Variants in COMMD7 observed in about 807,000 individuals in gnomAD.
The protein encoded by COMMD7 is COMM domain-containing protein 7.
Under a neutral mutation model 34.8 loss-of-function variants are expected in COMMD7, and 28 were observed. That is an observed-to-expected ratio of 0.80 (90% CI 0.60 to 1.10). The LOEUF is 1.10. Among genes scored for constraint, COMMD7 ranks in the 50% least tolerant of loss-of-function variants. The pLI is 0.00. For synonymous variants in COMMD7, 80 were observed against 86.4 expected, an observed-to-expected ratio of 0.93 and a Z score of 0.41; for missense variants, 211 against 241.6, an observed-to-expected ratio of 0.87 and a Z score of 0.84.
intron 3 of COMMD7, among the ~76,000 whole-genome samples, chr20:32,714,533 CA>C (rs377473122): frequency 8.1e-4 from 123 of 151,530 alleles, no homozygotes; most frequent in African/African-American, 2.7e-3. Context: ...ACTAATAATA[CA>C]AAAAATTAAG....
At chr20:32,741,553 G>T (rs1986447179) in intron 1 of COMMD7, among the ~76,000 whole-genome samples, 1 of 152,066 alleles carries the variant, frequency 6.6e-6, no homozygotes, top group South Asian at 2.1e-4. Flanking sequence ...ACTACACCCA[G>T]CTAATTTTTG....
intron 3 of COMMD7, among the ~76,000 whole-genome samples, chr20:32,714,876 C>T (rs975611869): frequency 1.6e-5 from 2 of 121,908 alleles, no homozygotes; most frequent in African/African-American, 5.9e-5. Flanking sequence ...AGGTGTAGTG[C>T]GCATGCCTGT....
intron 1 of COMMD7, among the ~76,000 whole-genome samples, chr20:32,731,812 C>T (rs1203998539): frequency 1.3e-5 from 2 of 152,222 alleles, no homozygotes; most frequent in Non-Finnish European, 2.9e-5. Context: ...CTGGAATGCT[C>T]ACCCACCCAT....
intron 1 of COMMD7, among the ~76,000 whole-genome samples, chr20:32,732,189 A>G (rs1197163868): frequency 6.6e-6 from 1 of 152,106 alleles, no homozygotes; most frequent in Non-Finnish European, 1.5e-5. Flanking sequence ...GTTCAAAGCA[A>G]TCCTCCCACC....
intron 3 of COMMD7, 76 bp downstream of exon 3, chr20:32,727,817 G>A (rs1418362584): frequency 1.6e-6 from 2 of 1,228,038 alleles, no homozygotes; most frequent in Non-Finnish European, 2.4e-6. Flanking sequence ...CACGGAGCAT[G>A]CTTCAATGAC....
chr20:32,719,950 A>G (rs114262369), intron 3 of COMMD7, among the ~76,000 whole-genome samples: 1,761 of 152,074 alleles, frequency 0.012, 38 homozygotes, highest in African/African-American at 0.041. Flanking sequence ...CAACAAAACA[A>G]AGGTTACAGT....
chr20:32,721,740 CA>C (rs1431217733), intron 3 of COMMD7, among the ~76,000 whole-genome samples: 1 of 152,036 alleles, frequency 6.6e-6, no homozygotes, highest in Non-Finnish European at 1.5e-5. Flanking sequence ...AACAAACAAA[CA>C]AAAAATTAGG....
In COMMD7 at chr20:32,703,282, G is replaced by A. The variant is rs999961824; in HGVS notation, c.*100C>T. On this transcript the variant is annotated 3_prime_UTR_variant, in exon 9 of 9. Transcript: ENST00000278980. ...CCCATGGAGCCAGCAGGGCCCCATG[G>A]AGCATCCCACAGGCCTGTGAGTGAA... 17 of 1,071,624 alleles carry A rather than the reference G, an allele frequency of 1.6e-5. No individual in the cohort carries two copies. In the Admixed American group the frequency reaches 3.5e-4, roughly 22 times the overall value. The allele number at this position is 1,071,624 out of a possible 1,614,324, so 66.4% of individuals were successfully genotyped here.
intron 3 of COMMD7, among the ~76,000 whole-genome samples, chr20:32,715,245 G>C (rs920199485): frequency 4.0e-5 from 6 of 151,834 alleles, no homozygotes; most frequent in Non-Finnish European, 8.8e-5. Flanking sequence ...CACTCTGGGA[G>C]GCTGAGGCAG....
chr20:32,717,601 C>G (rs1035541461), intron 3 of COMMD7, among the ~76,000 whole-genome samples: 4 of 152,068 alleles, frequency 2.6e-5, no homozygotes, highest in African/African-American at 9.7e-5. Context: ...GCTGGGATTA[C>G]AGGCGTGAGC....
chr20:32,704,301 T>G (rs539243887), intron 7 of COMMD7, 139 bp downstream of exon 7: 349 of 843,078 alleles, frequency 4.1e-4, no homozygotes, highest in Non-Finnish European at 5.8e-4. Flanking sequence ...TGACTACATC[T>G]TTAGCTGGCC....
intron 1 of COMMD7, among the ~76,000 whole-genome samples, chr20:32,741,739 T>C (rs1215452645): frequency 6.6e-6 from 1 of 152,208 alleles, no homozygotes; most frequent in Non-Finnish European, 1.5e-5. Context: ...TTTAGATTTG[T>C]CTAAACACAC....
intron 3 of COMMD7, among the ~76,000 whole-genome samples, chr20:32,713,049 CTTTTTTTT>C (rs1318989294): frequency 7.4e-6 from 1 of 134,400 alleles, no homozygotes; most frequent in East Asian, 2.1e-4. Context: ...TTTTTAATTT[CTTTTTTTT>C]TTTTTTTTGA....
chr20:32,717,627 A>AT (rs1204430482), intron 3 of COMMD7, among the ~76,000 whole-genome samples: 3 of 151,588 alleles, frequency 2.0e-5, no homozygotes, highest in African/African-American at 7.3e-5. Context: ...TACCTGGCCA[A>AT]TTTTTTTTAT....
At chr20:32,734,658 C>T (rs1400803269) in intron 1 of COMMD7, among the ~76,000 whole-genome samples, 6 of 149,784 alleles carry the variant, frequency 4.0e-5, no homozygotes, top group Admixed American at 2.7e-4. Flanking sequence ...CCAGGCACAG[C>T]GGCTCACGCC....
chr20:32,722,323 G>T lies in COMMD7; in HGVS notation c.241+5570C>A, dbSNP rs1015653340. Among the ~76,000 whole-genome samples, 13 of 148,122 alleles carry T rather than the reference G, an allele frequency of 8.8e-5. 1 individual carries two copies. In the South Asian group the frequency reaches 2.4e-3, roughly 27 times the overall value. ...GGGAAGACTGGGGACAGGGACACTA[G>T]ACAGAGGTCTCCTGAAAATTAGTGC... On this transcript the variant is annotated intron_variant, in intron 3 of 8. Coordinates refer to ENST00000278980, the MANE Select transcript of COMMD7 (RefSeq NM_053041.3).
At chr20:32,720,516 A>G (rs1985089985) in intron 3 of COMMD7, among the ~76,000 whole-genome samples, 1 of 152,126 alleles carries the variant, frequency 6.6e-6, no homozygotes, top group Non-Finnish European at 1.5e-5. Flanking sequence ...AAAGAAAGAA[A>G]AATATAGACT....
chr20:32,707,375 A>C lies in COMMD7; in HGVS notation c.242-615T>G, dbSNP rs1424219273. On this transcript the variant is annotated intron_variant, in intron 3 of 8. Coordinates refer to ENST00000278980, the MANE Select transcript of COMMD7 (RefSeq NM_053041.3). The stretch of plus-strand genomic sequence containing the variant: ...CGCTCTGTTGCCCAGGCTGGAGTGC[A>C]GTGGCGTGATCTCGGCTCACTGCAA... Among the ~76,000 whole-genome samples, 12 of 146,070 alleles carry C rather than the reference A, an allele frequency of 8.2e-5. No individual in the cohort carries two copies. In the Admixed American group the frequency reaches 8.2e-4, roughly 10 times the overall value.
At chr20:32,718,510 G>C (rs1984951290) in intron 3 of COMMD7, among the ~76,000 whole-genome samples, 1 of 151,948 alleles carries the variant, frequency 6.6e-6, no homozygotes, top group Non-Finnish European at 1.5e-5. Context: ...ACCAGCCTGG[G>C]CAACACAGTG....
Sources: allele counts gnomAD v4.1 joint callset (sites outside exome capture counted in the v4.1 genomes callset), GRCh38; gene constraint gnomAD v4.1.1; transcripts MANE v1.5; gene names NCBI Gene and HGNC (gene_info 2026-07-23, HGNC 2026-07-21).